Variants in RABGAP1L observed in about 807,000 individuals in gnomAD.
The protein encoded by RABGAP1L is rab GTPase-activating protein 1-like.
Under a neutral mutation model 137.7 loss-of-function variants are expected in RABGAP1L, and 63 were observed. The ratio of observed to expected loss-of-function variants is 0.46; its 90% CI spans 0.37 to 0.56. The LOEUF (loss-of-function observed/expected upper bound fraction) is 0.56, where lower values mean the gene tolerates loss of function less well. Ranked by LOEUF, RABGAP1L falls within the 20% of genes least tolerant of loss-of-function variation. The pLI is 0.00. For synonymous variants in RABGAP1L, 431 were observed against 433.7 expected (o/e 0.99, Z 0.08); for missense variants, 1,095 against 1,244.0 (o/e 0.88, Z 1.80).
At chr1:174,410,988 T>G (rs575504230) in intron 13 of RABGAP1L, among the ~76,000 whole-genome samples, 24 of 152,302 alleles carry the variant, frequency 1.6e-4, no homozygotes, top group Non-Finnish European at 3.1e-4. Context: ...AGGTATATTT[T>G]TTTGTGTATG....
At chr1:174,192,583 A>G (rs554576284) in intron 1 of RABGAP1L, among the ~76,000 whole-genome samples, 73 of 152,200 alleles carry the variant, frequency 4.8e-4, no homozygotes, top group African/African-American at 1.7e-3. Context: ...CGGCCTCCCA[A>G]AGTGCTGGGA....
chr1:174,951,469 A>T lies in RABGAP1L; in HGVS notation c.2341-5988A>T, dbSNP rs143019151. Among the ~76,000 whole-genome samples the T allele has an allele frequency of 2.6e-5, 4 of 152,358 alleles. No homozygotes were observed. In the East Asian group the frequency reaches 7.7e-4, roughly 29 times the overall value. On this transcript the variant is annotated intron_variant, in intron 19 of 25. Coordinates refer to ENST00000681986, the MANE Select transcript of RABGAP1L (RefSeq NM_001366446.1). ...ACTGTTAGGAAATTTTTTGACTTGA[A>T]GGAATTACATACTTAGTGGCAATTA...
At chr1:174,746,889 G>A (rs1393586576) in intron 17 of RABGAP1L, among the ~76,000 whole-genome samples, 3 of 152,140 alleles carry the variant, frequency 2.0e-5, no homozygotes, top group Admixed American at 2.0e-4. Context: ...AAAATACTCA[G>A]TAGATGTTGG....
rs1208407035 is a variant in RABGAP1L, at chr1:174,448,774, CACTT to C, written c.1710+54634_1710+54637del. ...CTCCTGCTGCCTTTGTTGTCTGCTT[CACTT>C]ACTTCCACATTTTCAAAATTTGCCG... is the stretch of plus-strand genomic sequence containing the variant. On this transcript the variant is annotated intron_variant, in intron 13 of 25. Coordinates refer to ENST00000681986, the MANE Select transcript of RABGAP1L (RefSeq NM_001366446.1). The surrounding 1 kb of genome is among the most constrained non-coding windows in gnomAD (Gnocchi z 4.2). 5 of 1,613,784 alleles carry C rather than the reference CACTT, an allele frequency of 3.1e-6. No individual in the cohort carries two copies. Among genetic ancestry groups the C allele is most frequent in the Non-Finnish European group, 4.2e-6 (5 of 1,179,708 alleles).
intron 13 of RABGAP1L, among the ~76,000 whole-genome samples, chr1:174,453,394 T>C (rs1655659931): frequency 6.6e-6 from 1 of 152,234 alleles, no homozygotes; most frequent in Non-Finnish European, 1.5e-5. Flanking sequence ...TAAATGAAGT[T>C]GCCTTAAAGG....
intron 1 of RABGAP1L, among the ~76,000 whole-genome samples, chr1:174,200,483 A>C (rs1411194937): frequency 6.6e-6 from 1 of 152,244 alleles, no homozygotes; most frequent in Non-Finnish European, 1.5e-5. Flanking sequence ...ACATGTATAT[A>C]CAGATGTTTT....
In RABGAP1L at chr1:174,563,186, T is replaced by G. The variant is rs115215410; in HGVS notation, c.1711-74189T>G. On this transcript the variant is annotated intron_variant, in intron 13 of 25. Coordinates refer to ENST00000681986, the MANE Select transcript of RABGAP1L (RefSeq NM_001366446.1). ...TCAACATATTAGAGTGTTTTAGAGT[T>G]TGACAGTGCATCCTTTGCTATGCAC... 1.7e-3 allele frequency among the ~76,000 whole-genome samples: 264 copies of G among 152,294 alleles called. 1 individual carries two copies. Among genetic ancestry groups the G allele is most frequent in the Middle Eastern group, 0.014 (4 of 294 alleles).
intron 13 of RABGAP1L, among the ~76,000 whole-genome samples, chr1:174,490,040 T>C (rs75645736): frequency 0.02 from 3,066 of 152,256 alleles, 114 homozygotes; most frequent in African/African-American, 0.071. Context: ...TTGAATTCTC[T>C]GTCTGAAAGG....
At chr1:174,434,102 TACACATACACACAC>T (rs1487759849) in intron 13 of RABGAP1L, among the ~76,000 whole-genome samples, 45 of 102,842 alleles carry the variant, frequency 4.4e-4, no homozygotes, top group African/African-American at 1.4e-3. Context: ...CGCATGCGTG[TACACATACACACAC>T]ACACACACAC....
At chr1:174,630,134 G>C (rs545221321) in intron 13 of RABGAP1L, among the ~76,000 whole-genome samples, 1 of 147,900 alleles carries the variant, frequency 6.8e-6, no homozygotes, top group Non-Finnish European at 1.5e-5. Context: ...AGGCTTTTTC[G>C]GCATCTATTG....
At chr1:174,310,312 AGATACTT>A (rs1442823585) in intron 11 of RABGAP1L, among the ~76,000 whole-genome samples, 2 of 152,284 alleles carry the variant, frequency 1.3e-5, no homozygotes, top group South Asian at 4.1e-4. Context: ...TGGTTGAAAA[AGATACTT>A]GATACTATTT....
At chr1:174,899,996 A>G (rs1189651803) in intron 19 of RABGAP1L, among the ~76,000 whole-genome samples, 2 of 152,184 alleles carry the variant, frequency 1.3e-5, no homozygotes, top group African/African-American at 2.4e-5. Flanking sequence ...GGAATAGAAG[A>G]CAGAATTATG....
chr1:174,401,110 A>G (rs1023038661), intron 13 of RABGAP1L, among the ~76,000 whole-genome samples: 2 of 151,998 alleles, frequency 1.3e-5, no homozygotes, highest in African/African-American at 4.8e-5. Flanking sequence ...TTATATGTAA[A>G]TCCGTGTTGA....
Position 174,231,922 on chromosome 1 carries a change from AT to A in RABGAP1L, c.542+570del, listed in dbSNP as rs543286560. Among the ~76,000 whole-genome samples the A allele has an allele frequency of 2.9e-3, 437 of 152,326 alleles. 1 individual carries two copies. The highest frequency in any genetic ancestry group is 9.7e-3 in the African/African-American group (403 of 41,566). On this transcript the variant is annotated intron_variant, in intron 4 of 25. Coordinates refer to ENST00000681986, the MANE Select transcript of RABGAP1L (RefSeq NM_001366446.1). ...CCCACCTCCAACATTGGAGATTACAATTTGACATGAGATTTAGACGGAGCCG... is the reference window on the plus strand; with the variant it reads ...CCCACCTCCAACATTGGAGATTACAATTGACATGAGATTTAGACGGAGCCG...
intron 13 of RABGAP1L, 71 bp from the exon 14 acceptor site, chr1:174,637,304 C>T: frequency 9.7e-7 from 1 of 1,035,950 alleles, no homozygotes; most frequent in South Asian, 1.5e-5. Context: ...GAGTTTTTTA[C>T]CATGTGTATA....
intron 19 of RABGAP1L, chr1:174,874,465 G>A: frequency 1.1e-5 from 11 of 985,132 alleles, no homozygotes; most frequent in Non-Finnish European, 1.3e-5. Flanking sequence ...GTTACCGGGA[G>A]TGTGGCTGGT....
intron 19 of RABGAP1L, among the ~76,000 whole-genome samples, chr1:174,942,285 A>C (rs1004493555): frequency 6.6e-6 from 1 of 152,244 alleles, no homozygotes; most frequent in Non-Finnish European, 1.5e-5. Flanking sequence ...ATCTGGCTCT[A>C]GATAATAAAG....
At chr1:174,708,536 A>C (rs1196691400) in intron 17 of RABGAP1L, among the ~76,000 whole-genome samples, 1 of 152,146 alleles carries the variant, frequency 6.6e-6, no homozygotes, top group East Asian at 1.9e-4. Context: ...TGGGAAGCAC[A>C]AGGGGTCAAG....
chr1:174,985,031 G>A (rs940621319), intron 24 of RABGAP1L, among the ~76,000 whole-genome samples: 1 of 152,208 alleles, frequency 6.6e-6, no homozygotes, highest in Non-Finnish European at 1.5e-5. Flanking sequence ...GGCTAAGTAG[G>A]TGAGACTACC....
Sources: allele counts gnomAD v4.1 joint callset (sites outside exome capture counted in the v4.1 genomes callset), GRCh38; gene constraint gnomAD v4.1.1; non-coding constraint Gnocchi (gnomAD v3.1); transcripts MANE v1.5; gene names NCBI Gene and HGNC (gene_info 2026-07-23, HGNC 2026-07-21).